SPAG17: variants seen among roughly 807,000 people sequenced by gnomAD.
SPAG17 encodes the protein sperm associated antigen 17.
A neutral mutation model predicts 273.6 loss-of-function variants in SPAG17; 169 were observed. The observed-to-expected ratio is 0.62, with a 90% CI of 0.55 to 0.70. The LOEUF is 0.70. Ranked by LOEUF, SPAG17 falls within the 30% of genes least tolerant of loss-of-function variation. SPAG17 has a pLI of 0.00. For missense variants in SPAG17, 2,557 were observed against 2,627.8 expected, an observed-to-expected ratio of 0.97 and a Z score of 0.59; for synonymous variants, 825 against 873.2, an observed-to-expected ratio of 0.94 and a Z score of 0.97.
chr1:117,997,927 T>C (rs1467842473), intron 32 of SPAG17, among the ~76,000 whole-genome samples: 1 of 152,164 alleles, frequency 6.6e-6, no homozygotes, highest in Non-Finnish European at 1.5e-5. Context: ...ATTCCTGACC[T>C]AGAGGTGAGG....
At chr1:118,078,112 T>C (rs973600575) in intron 15 of SPAG17, among the ~76,000 whole-genome samples, 1 of 152,144 alleles carries the variant, frequency 6.6e-6, no homozygotes, top group African/African-American at 2.4e-5. Flanking sequence ...GTTATTTTCT[T>C]CCCTCTTCCA....
chr1:118,086,127 T>C, intron 12 of SPAG17, 55 bp from the exon 13 acceptor site: 1 of 1,534,670 alleles, frequency 6.5e-7, no homozygotes, highest in South Asian at 1.2e-5. Flanking sequence ...TTAAGTGCCT[T>C]ATGCATATGG....
intron 7 of SPAG17, 25 bp from the exon 8 acceptor site, chr1:118,093,342 A>C: frequency 6.3e-7 from 1 of 1,583,718 alleles, no homozygotes. Context: ...TTTAATGGCA[A>C]TTGGTTACTA....
intron 1 of SPAG17, among the ~76,000 whole-genome samples, chr1:118,175,255 C>A (rs190668781): frequency 9.2e-5 from 14 of 152,198 alleles, no homozygotes; most frequent in Non-Finnish European, 1.6e-4. Flanking sequence ...GTCTTGAACC[C>A]CTGACCTCAG....
chr1:117,958,877 C>T, intron 48 of SPAG17: 1 of 1,592,170 alleles, frequency 6.3e-7, no homozygotes, highest in Non-Finnish European at 8.6e-7. Flanking sequence ...TAGAACCTCT[C>T]TGCAACATGG....
rs769357421 is a variant in SPAG17, at chr1:118,101,875, G to T, written c.499C>A (p.Pro167Thr). The T allele has an allele frequency of 6.2e-7, 1 of 1,613,918 alleles. No homozygotes were observed. Among genetic ancestry groups the T allele is most frequent in the Admixed American group, 1.7e-5 (1 of 59,998 alleles). The stretch of plus-strand genomic sequence containing the variant: ...GCACTTGGAGCCTTTTTCTCCTTGG[G>T]AGATTTTGCTTTCCCTTTATCCTTT... ...LEKDKGKAKSPKEKKAPSAKP... is the reference protein window; with the variant it reads ...LEKDKGKAKSTKEKKAPSAKP... The change falls in exon 5 of 49, where the codon CCC becomes ACC. Residue 167 changes from proline to threonine, a missense_variant. Physicochemically the swap from Pro to Thr is conservative, Grantham distance 38. Coordinates refer to ENST00000336338, the MANE Select transcript of SPAG17 (RefSeq NM_206996.4).
chr1:118,023,237 TG>T (rs1647312451), intron 28 of SPAG17, 66 bp downstream of exon 28: 1 of 1,177,446 alleles, frequency 8.5e-7, no homozygotes, highest in Non-Finnish European at 1.2e-6. Flanking sequence ...ATAATAATAT[TG>T]AACACTTATT....
chr1:117,988,179 G>T lies in SPAG17; in HGVS notation c.5547C>A (p.Phe1849Leu), dbSNP rs1190011164. 4 of 1,599,742 alleles carry T rather than the reference G, an allele frequency of 2.5e-6. No individual in the cohort carries two copies. Among genetic ancestry groups the T allele is most frequent in the Non-Finnish European group, 3.4e-6 (4 of 1,176,298 alleles). Reference sequence around the variant, plus strand: ...TTGGAGGCGTAGCCAAAGACTGCTTGAATAAATCAGTTAGGTGAGCTGCAA... The same window carrying T: ...TTGGAGGCGTAGCCAAAGACTGCTTTAATAAATCAGTTAGGTGAGCTGCAA... ...TEVAAHLTDL[F>L]KQSLATPPKC... Residue 1849 changes from phenylalanine (F) to leucine (L), a missense_variant, in exon 39 of 49, where the codon TTC (phenylalanine) becomes TTA (leucine). Coordinates refer to ENST00000336338, the MANE Select transcript of SPAG17 (RefSeq NM_206996.4).
Position 117,955,347 on chromosome 1 carries a change from G to C in SPAG17, c.*1-1298C>G, listed in dbSNP as rs148919618. On this transcript the variant is annotated intron_variant, in intron 48 of 48. Coordinates refer to ENST00000336338, the MANE Select transcript of SPAG17 (RefSeq NM_206996.4). ...CTTATGTATTAGAGATTTTTAAAGGGATCAAGTCGAGGTGAGTGAGTCCTT... is the reference window on the plus strand; with the variant it reads ...CTTATGTATTAGAGATTTTTAAAGGCATCAAGTCGAGGTGAGTGAGTCCTT... The C allele has an allele frequency of 3.1e-6, 5 of 1,612,042 alleles. No homozygotes were observed. In the African/African-American group the frequency reaches 6.7e-5, roughly 22 times the overall value.
chr1:118,046,293 C>T (rs779495465), intron 20 of SPAG17, among the ~76,000 whole-genome samples: 9 of 151,972 alleles, frequency 5.9e-5, no homozygotes, highest in Non-Finnish European at 1.2e-4. Context: ...GTTATAATCA[C>T]GCCACTGCAC....
At chr1:118,182,641 A>G (rs1340318661) in intron 1 of SPAG17, among the ~76,000 whole-genome samples, 1 of 152,234 alleles carries the variant, frequency 6.6e-6, no homozygotes, top group African/African-American at 2.4e-5. Flanking sequence ...TTAATTTAGG[A>G]GCAACGTAGA....
At position 118,165,889 on chromosome 1, in the gene SPAG17, C is replaced by T. The variant is rs184982368; in HGVS notation, c.88-14520G>A. Among the ~76,000 whole-genome samples the T allele has an allele frequency of 7.7e-3, 1,172 of 152,160 alleles. 17 individuals carry two copies. The highest frequency in any genetic ancestry group is 0.027 in the African/African-American group (1,108 of 41,526). The stretch of plus-strand genomic sequence containing the variant: ...CAATCTCCTGACCTCCTGATCCACC[C>T]GCCTCGGCCTCCCAAAGTGCTGGGA... On this transcript the variant is annotated intron_variant, in intron 1 of 48. Coordinates refer to ENST00000336338, the MANE Select transcript of SPAG17 (RefSeq NM_206996.4).
At chr1:118,108,691 T>C (rs923608291) in intron 4 of SPAG17, among the ~76,000 whole-genome samples, 1 of 151,996 alleles carries the variant, frequency 6.6e-6, no homozygotes, top group Non-Finnish European at 1.5e-5. Context: ...AGAGTCAAGT[T>C]TGCCACAGAT....
chr1:118,160,578 C>T (rs910525611), intron 1 of SPAG17, among the ~76,000 whole-genome samples: 2 of 152,208 alleles, frequency 1.3e-5, no homozygotes, highest in Non-Finnish European at 2.9e-5. Flanking sequence ...TACTACAAAG[C>T]CATGGATATA....
intron 1 of SPAG17, among the ~76,000 whole-genome samples, chr1:118,155,396 C>T (rs982444615): frequency 8.5e-5 from 13 of 152,180 alleles, no homozygotes; most frequent in African/African-American, 3.1e-4. Context: ...TAAACAATTG[C>T]AAAAGCCTTT....
At chr1:118,059,310 T>C (rs1652025064) in intron 18 of SPAG17, among the ~76,000 whole-genome samples, 1 of 152,126 alleles carries the variant, frequency 6.6e-6, no homozygotes, top group Non-Finnish European at 1.5e-5. Flanking sequence ...CTCTAACCAA[T>C]TTTGAGTTGA....
intron 36 of SPAG17, 97 bp downstream of exon 36, chr1:117,992,369 T>G (rs1428045460): frequency 8.3e-7 from 1 of 1,205,776 alleles, no homozygotes; most frequent in African/African-American, 1.6e-5. Flanking sequence ...TAGACAAATA[T>G]TGGTAGAATT....
intron 3 of SPAG17, among the ~76,000 whole-genome samples, chr1:118,128,692 C>T (rs1657879300): frequency 6.6e-6 from 1 of 152,202 alleles, no homozygotes; most frequent in African/African-American, 2.4e-5. Context: ...CCCTGAACTT[C>T]CTGCACCCCA....
chr1:118,155,007 G>A (rs1247589600), intron 1 of SPAG17, among the ~76,000 whole-genome samples: 3 of 152,118 alleles, frequency 2.0e-5, no homozygotes, highest in Non-Finnish European at 4.4e-5. Flanking sequence ...AGCACCTTAG[G>A]AAATCAAGTC....
Sources: allele counts gnomAD v4.1 joint callset (sites outside exome capture counted in the v4.1 genomes callset), GRCh38; gene constraint gnomAD v4.1.1; transcripts MANE v1.5; gene names NCBI Gene and HGNC (gene_info 2026-07-23, HGNC 2026-07-21).